SLCO3A1: variants seen among roughly 807,000 people sequenced by gnomAD.
The protein encoded by SLCO3A1 is PGE1 transporter.
In SLCO3A1, 27 loss-of-function variants were observed where a neutral mutation model predicts 63.1. That is an observed-to-expected ratio of 0.43 (90% CI 0.32 to 0.59). The LOEUF (loss-of-function observed/expected upper bound fraction) is 0.59. SLCO3A1 is among the 20% of genes least tolerant of loss of function. The probability of loss-of-function intolerance (pLI) is 0.09; values close to 1 mark genes in which losing one functional copy is unlikely to be tolerated. For synonymous variants in SLCO3A1, 473 were observed against 409.9 expected (o/e 1.15, Z -1.86); for missense variants, 773 against 945.8 (o/e 0.82, Z 2.40).
At chr15:92,080,938 CTGTGTGTGTGTGTGTGTGTGTGTGTG>C (rs542459686) in intron 2 of SLCO3A1, among the ~76,000 whole-genome samples, 1 of 128,896 alleles carries the variant, frequency 7.8e-6, no homozygotes, top group African/African-American at 3.1e-5. Flanking sequence ...TACATAGTAG[CTGTGTGTGTGTGTGTGTGTGTGTGTG>C]TGTGTGTGTG....
chr15:91,974,265 G>GTTGTTGTTGTTATTATTATTATTA (rs147991710), intron 2 of SLCO3A1, among the ~76,000 whole-genome samples: 1,925 of 142,910 alleles, frequency 0.013, 25 homozygotes, highest in East Asian at 0.052. Flanking sequence ...TTTCATTATT[G>GTTGTTGTTGTTATTATTATTATTA]TTATTATTAT....
At chr15:92,039,145 A>G (rs1241798523) in intron 2 of SLCO3A1, among the ~76,000 whole-genome samples, 1 of 152,232 alleles carries the variant, frequency 6.6e-6, no homozygotes, top group Non-Finnish European at 1.5e-5. Flanking sequence ...AAACCTAGGC[A>G]ATACAATTAA....
intron 2 of SLCO3A1, among the ~76,000 whole-genome samples, chr15:92,062,405 C>A (rs1233829222): frequency 1.3e-5 from 2 of 152,140 alleles, no homozygotes; most frequent in Admixed American, 1.3e-4. Flanking sequence ...GGGAACTCTG[C>A]AAAGGGGCCC....
chr15:92,084,851 C>T (rs1024683419), intron 2 of SLCO3A1, among the ~76,000 whole-genome samples: 10 of 152,228 alleles, frequency 6.6e-5, no homozygotes, highest in South Asian at 2.1e-4. Context: ...CATGCACCAC[C>T]ATAGCCAGCC....
At chr15:91,976,598 G>C (rs1284654837) in intron 2 of SLCO3A1, among the ~76,000 whole-genome samples, 4 of 152,146 alleles carry the variant, frequency 2.6e-5, no homozygotes, top group African/African-American at 7.2e-5. Flanking sequence ...TTGGGCACCA[G>C]ATATCGGGGA....
exon 11 of SLCO3A1, chr15:92,171,820 C>T (rs1183267155): frequency 7.1e-6 from 11 of 1,551,488 alleles, no homozygotes; most frequent in South Asian, 2.4e-5. Context: ...AAACCTGCCC[C>T]GAATCACATT....
chr15:91,895,940 TACTCAA>T (rs754263191), intron 1 of SLCO3A1, among the ~76,000 whole-genome samples: 1 of 152,252 alleles, frequency 6.6e-6, no homozygotes, highest in African/African-American at 2.4e-5. Context: ...GACCCAGCCT[TACTCAA>T]AACTACCAGT....
At chr15:92,054,143 G>A (rs908978220) in intron 2 of SLCO3A1, among the ~76,000 whole-genome samples, 19 of 152,160 alleles carry the variant, frequency 1.2e-4, no homozygotes, top group Non-Finnish European at 1.5e-5. Context: ...GGCCACTGGG[G>A]GCTCCTTCAG....
At chr15:91,970,275 T>G (rs1900811617) in intron 2 of SLCO3A1, among the ~76,000 whole-genome samples, 1 of 152,190 alleles carries the variant, frequency 6.6e-6, no homozygotes, top group South Asian at 2.1e-4. Context: ...CACAGCATAT[T>G]TGCATGCCTG....
chr15:91,933,804 G>A (rs1003667019), intron 2 of SLCO3A1, among the ~76,000 whole-genome samples: 4 of 152,232 alleles, frequency 2.6e-5, no homozygotes, highest in African/African-American at 9.7e-5. Flanking sequence ...GAGCTAGTAA[G>A]TAGCAGAACT....
At chr15:92,080,942 G>GTGTGTGTGTA (rs200458698) in intron 2 of SLCO3A1, among the ~76,000 whole-genome samples, 4 of 88,944 alleles carry the variant, frequency 4.5e-5, no homozygotes, top group African/African-American at 1.6e-4. Context: ...TAGTAGCTGT[G>GTGTGTGTGTA]TGTGTGTGTG....
chr15:92,126,075 C>T lies in SLCO3A1; in HGVS notation c.1189C>T (p.Pro397Ser). The change falls in exon 6 of 10, where the codon CCG becomes TCG. Residue 397 changes from proline to serine, a missense_variant. Coordinates refer to ENST00000318445, the MANE Select transcript of SLCO3A1 (RefSeq NM_013272.4). The part of the protein sequence containing the change: ...ANQLLGMTAI[P>S]CACLGIFLGG... ...TTTCCTTCCAGGGATGACTGCGATC[C>T]CGTGTGCTTGTCTGGGTATCTTCCT... 1 of 1,613,844 alleles carries T rather than the reference C, an allele frequency of 6.2e-7. No individual in the cohort carries two copies. The highest frequency in any genetic ancestry group is 8.5e-7 in the Non-Finnish European group (1 of 1,179,976).
At chr15:92,095,922 A>G (rs926473570) in intron 3 of SLCO3A1, among the ~76,000 whole-genome samples, 7 of 152,136 alleles carry the variant, frequency 4.6e-5, no homozygotes. Flanking sequence ...GTTTCCCCTC[A>G]TATTTCATTA....
At chr15:91,984,614 A>G (rs992485374) in intron 2 of SLCO3A1, among the ~76,000 whole-genome samples, 2 of 152,348 alleles carry the variant, frequency 1.3e-5, no homozygotes, top group Non-Finnish European at 2.9e-5. Context: ...ACGTACATAA[A>G]AAGAGGAGAT....
At chr15:91,881,674 G>T (rs1037886471) in intron 1 of SLCO3A1, among the ~76,000 whole-genome samples, 6 of 152,132 alleles carry the variant, frequency 3.9e-5, no homozygotes, top group African/African-American at 1.4e-4. Context: ...CTGTCAGTCA[G>T]CGAGCCAGTC....
intron 2 of SLCO3A1, among the ~76,000 whole-genome samples, chr15:92,052,540 G>C (rs1243521653): frequency 1.3e-5 from 2 of 152,034 alleles, no homozygotes; most frequent in African/African-American, 2.4e-5. Flanking sequence ...CCTCAGATTG[G>C]ATACCTTCAG....
At chr15:91,952,751 A>G (rs1900041211) in intron 2 of SLCO3A1, among the ~76,000 whole-genome samples, 1 of 152,200 alleles carries the variant, frequency 6.6e-6, no homozygotes, top group Non-Finnish European at 1.5e-5. Flanking sequence ...TACTGTGCTG[A>G]GAATTACAGT....
chr15:92,029,699 G>A (rs955653384), intron 2 of SLCO3A1, among the ~76,000 whole-genome samples: 1 of 150,796 alleles, frequency 6.6e-6, no homozygotes, highest in Non-Finnish European at 1.5e-5. Flanking sequence ...ATATGTAGTC[G>A]CGCTGACACT....
chr15:92,158,774 G>A lies in SLCO3A1; in HGVS notation c.1754-3982G>A, dbSNP rs376304983. ...GCCTCTAACAAAAAAGATGCAGTCC[G>A]TTCGTCTCTGGTATTGTCCGCACAC... On this transcript the variant is annotated intron_variant, in intron 9 of 9. Coordinates refer to ENST00000318445, the MANE Select transcript of SLCO3A1 (RefSeq NM_013272.4). 2.3e-3 allele frequency among the ~76,000 whole-genome samples: 350 copies of A among 152,312 alleles called. 1 individual carries two copies. The highest frequency in any genetic ancestry group is 3.3e-3 in the Non-Finnish European group (226 of 68,034).
Sources: gnomAD v4.1 joint callset for allele counts (sites outside exome capture counted in the v4.1 genomes callset) on GRCh38, gnomAD v4.1.1 for gene constraint, MANE v1.5 for transcripts, NCBI Gene and HGNC (gene_info 2026-07-23, HGNC 2026-07-21) for gene names.